Variants in FTCDNL1 observed in about 807,000 individuals in gnomAD.
FTCDNL1 encodes the protein formiminotransferase cyclodeaminase N-terminal like, also known as formiminotransferase N-terminal subdomain-containing protein.
Under a neutral mutation model 5.9 loss-of-function variants are expected in FTCDNL1, and 11 were observed. The ratio of observed to expected loss-of-function variants is 1.87; its 90% CI spans 1.18 to 3.10. The LOEUF (loss-of-function observed/expected upper bound fraction) is 3.10, where lower values mean the gene tolerates loss of function less well. Among genes scored for constraint, FTCDNL1 ranks in the 30% most tolerant of loss-of-function variants. The pLI is 0.00. For missense variants in FTCDNL1, 115 were observed against 65.5 expected (o/e 1.76, Z -2.61); for synonymous variants, 58 against 24.8 (o/e 2.34, Z -3.99).
Position 199,812,663 on chromosome 2 carries a change from T to C in FTCDNL1, c.*42A>G, listed in dbSNP as rs749494829. The C allele has an allele frequency of 1.4e-6, 1 of 695,152 alleles. No homozygotes were observed. Among genetic ancestry groups the C allele is most frequent in the South Asian group, 1.5e-5 (1 of 65,946 alleles). The allele number at this position is 695,152 out of a possible 1,614,324, so 43.1% of individuals were successfully genotyped here. A position where few individuals can be genotyped will look rare whatever the true frequency, so the allele number is the denominator to read the frequency against. On this transcript the variant is annotated 3_prime_UTR_variant, in exon 5 of 5. Transcript: ENST00000420128. The stretch of plus-strand genomic sequence containing the variant: ...TGCTCTGGTGGCAGCACGGATCCCC[T>C]CACTGCAAGGCTGAAATTCCAATTT...
At chr2:199,683,966 G>C in the FTCDNL1 span, among the ~76,000 whole-genome samples, 1 of 152,214 alleles carries the variant, frequency 6.6e-6, no homozygotes, top group Admixed American at 6.5e-5. Context: ...TGCCCAGAGG[G>C]CAAGGTCTGG....
chr2:199,695,577 G>T, the FTCDNL1 span, among the ~76,000 whole-genome samples: 15 of 143,186 alleles, frequency 1.0e-4, no homozygotes, highest in South Asian at 6.2e-4. Flanking sequence ...AACCCTGCAT[G>T]TGGTTGCCGA....
At chr2:199,752,381 C>T in the FTCDNL1 span, among the ~76,000 whole-genome samples, 1 of 152,252 alleles carries the variant, frequency 6.6e-6, no homozygotes, top group African/African-American at 2.4e-5. Context: ...GGCTTGGCTG[C>T]AGTGCCCAGA....
chr2:199,671,431 T>A, the FTCDNL1 span, among the ~76,000 whole-genome samples: 3 of 151,306 alleles, frequency 2.0e-5, no homozygotes, highest in Non-Finnish European at 4.4e-5. Context: ...GAACCACATG[T>A]AGGCAAGAGC....
chr2:199,837,119 GT>G (rs563261508), intron 3 of FTCDNL1, among the ~76,000 whole-genome samples: 2 of 152,158 alleles, frequency 1.3e-5, no homozygotes, highest in Non-Finnish European at 2.9e-5. Flanking sequence ...TAGTACCTCT[GT>G]TTTACAGTAG....
chr2:199,836,098 T>A (rs887341630), intron 3 of FTCDNL1, among the ~76,000 whole-genome samples: 4 of 152,184 alleles, frequency 2.6e-5, no homozygotes, highest in Non-Finnish European at 4.4e-5. Context: ...ATTTCATGTA[T>A]CCCCCCATTT....
chr2:199,793,257 G>C (rs919455354), intron 3 of FTCDNL1, among the ~76,000 whole-genome samples: 2 of 152,152 alleles, frequency 1.3e-5, no homozygotes, highest in African/African-American at 4.8e-5. Context: ...AAATAATAAA[G>C]TAGGTGAGCT....
chr2:199,812,760 G>T (rs113582756), intron 4 of FTCDNL1, 36 bp from the exon 5 acceptor site: 4 of 694,188 alleles, frequency 5.8e-6, no homozygotes, highest in Non-Finnish European at 7.9e-6. Flanking sequence ...GTATGATTTC[G>T]TTTTCCATGT....
chr2:199,745,162 A>G, the FTCDNL1 span, among the ~76,000 whole-genome samples: 1 of 152,218 alleles, frequency 6.6e-6, no homozygotes, highest in Non-Finnish European at 1.5e-5. Context: ...AGTTTTACTG[A>G]TATTTATCGA....
chr2:199,822,408 A>T (rs1467067510), intron 3 of FTCDNL1, among the ~76,000 whole-genome samples: 1 of 152,176 alleles, frequency 6.6e-6, no homozygotes, highest in Non-Finnish European at 1.5e-5. Context: ...TGTCTCAAAA[A>T]AAACCAAAAA....
chr2:199,742,877 T>C, the FTCDNL1 span, among the ~76,000 whole-genome samples: 2 of 152,226 alleles, frequency 1.3e-5, no homozygotes, highest in Non-Finnish European at 2.9e-5. Flanking sequence ...TGGATATTTA[T>C]GGTGCAGTGT....
intron 3 of FTCDNL1, among the ~76,000 whole-genome samples, chr2:199,803,049 C>T (rs1700537684): frequency 6.6e-6 from 1 of 151,690 alleles, no homozygotes; most frequent in Admixed American, 6.6e-5. Flanking sequence ...AAAAAATTAG[C>T]CAGCTGTGGT....
downstream of FTCDNL1, among the ~76,000 whole-genome samples, chr2:199,805,000 C>T (rs1236532092): frequency 2.0e-5 from 3 of 152,116 alleles, no homozygotes; most frequent in African/African-American, 4.8e-5. Flanking sequence ...GGGGCTCAGG[C>T]GTCTGAGGAA....
chr2:199,673,122 G>A, the FTCDNL1 span, among the ~76,000 whole-genome samples: 1 of 152,018 alleles, frequency 6.6e-6, no homozygotes, highest in African/African-American at 2.4e-5. Context: ...GAGGCCAGGA[G>A]TTTGAGATCA....
At chr2:199,804,942 C>G (rs1700647964), downstream of FTCDNL1, among the ~76,000 whole-genome samples, 2 of 152,186 alleles carry the variant, frequency 1.3e-5, no homozygotes, top group African/African-American at 4.8e-5. Context: ...CTCACTACAG[C>G]AGGGGTCCTC....
At chr2:199,709,229 T>C in the FTCDNL1 span, among the ~76,000 whole-genome samples, 1 of 152,120 alleles carries the variant, frequency 6.6e-6, no homozygotes, top group Non-Finnish European at 1.5e-5. Context: ...AGTTGAATAT[T>C]TCAGTCTGAC....
At chr2:199,791,037 T>C (rs980001118) in intron 3 of FTCDNL1, among the ~76,000 whole-genome samples, 3 of 151,940 alleles carry the variant, frequency 2.0e-5, no homozygotes, top group African/African-American at 7.2e-5. Flanking sequence ...GAACAAAAAA[T>C]GGAAGCAAAG....
At position 199,819,706 on chromosome 2, in the gene FTCDNL1, A is replaced by G; in HGVS notation, c.263T>C (p.Phe88Ser). Residue 88 changes from phenylalanine to serine, a missense_variant, in exon 4 of 5, where the codon TTT (phenylalanine) becomes TCT (serine). Physicochemically the swap from Phe to Ser is radical, Grantham distance 155 (BLOSUM62 -2). Coordinates refer to ENST00000420128, the MANE Select transcript of FTCDNL1 (RefSeq NM_001363886.2). The part of the protein sequence containing the change: ...LHVPGCSVFL[F>S]GEADLPEKRS... ...CTTCTCAGGCAGGTCAGCTTCGCCA[A>G]AGAGAAACACGCTGCAGCCAGGAAC... The G allele has an allele frequency of 1.0e-5, 7 of 702,296 alleles. No individual in the cohort carries two copies. The highest frequency in any genetic ancestry group is 1.8e-5 in the Non-Finnish European group (7 of 384,786). The allele number at this position is 702,296 out of a possible 1,614,324, so 43.5% of individuals were successfully genotyped here.
At chr2:199,784,049 T>C (rs1337422267) in intron 3 of FTCDNL1, among the ~76,000 whole-genome samples, 1 of 152,140 alleles carries the variant, frequency 6.6e-6, no homozygotes, top group African/African-American at 2.4e-5. Flanking sequence ...AGCCAACCTC[T>C]TAGGGTTGAA....
Sources: gnomAD v4.1 joint callset for allele counts (sites outside exome capture counted in the v4.1 genomes callset) on GRCh38, gnomAD v4.1.1 for gene constraint, MANE v1.5 for transcripts, NCBI Gene and HGNC (gene_info 2026-07-23, HGNC 2026-07-21) for gene names.